The following CCDC88C variants were observed in gnomAD, a reference collection of about 807,000 sequenced individuals.
The protein encoded by CCDC88C is protein Daple.
In CCDC88C, 131 loss-of-function variants were observed where a neutral mutation model predicts 198.8. That is an observed-to-expected ratio of 0.66 (90% confidence interval 0.57 to 0.76). The LOEUF (loss-of-function observed/expected upper bound fraction) is 0.76. Ranked by LOEUF, CCDC88C falls within the 30% of genes least tolerant of loss-of-function variation. CCDC88C has a pLI of 0.00. For missense variants in CCDC88C, 2,553 were observed against 2,631.6 expected, an observed-to-expected ratio of 0.97 and a Z score of 0.65; for synonymous variants, 1,166 against 1,114.7, an observed-to-expected ratio of 1.05 and a Z score of -0.92.
At chr14:91,307,673 G>C (rs1891618011) in intron 17 of CCDC88C, among the ~76,000 whole-genome samples, 1 of 152,262 alleles carries the variant, frequency 6.6e-6, no homozygotes, top group South Asian at 2.1e-4. Flanking sequence ...GGCTGGAAGA[G>C]TGCGTGTGTG....
At chr14:91,333,216 A>G (rs894003998) in intron 10 of CCDC88C, among the ~76,000 whole-genome samples, 1 of 152,246 alleles carries the variant, frequency 6.6e-6, no homozygotes, top group African/African-American at 2.4e-5. Context: ...TTAATGGTAT[A>G]GATCTGCTAA....
chr14:91,285,398 G>A (rs766770124), intron 25 of CCDC88C: 3 of 456,096 alleles, frequency 6.6e-6, no homozygotes, highest in South Asian at 4.7e-5. Flanking sequence ...GACTTACTTA[G>A]TACGGACATC....
chr14:91,413,186 T>C (rs1886874232), intron 2 of CCDC88C, among the ~76,000 whole-genome samples: 1 of 152,180 alleles, frequency 6.6e-6, no homozygotes, highest in South Asian at 2.1e-4. Flanking sequence ...CAAGTAGAGA[T>C]GTACAGCACT....
In CCDC88C at chr14:91,416,720, G is replaced by T. The variant is rs1270391083; in HGVS notation, c.161+18C>A. ...TAACGCACCATTCTTTCCTTCCTCC[G>T]AGAAGAAGGTAACTTACATTTGCAG... On this transcript the variant is annotated intron_variant, in intron 2 of 29. Transcript: ENST00000389857. 6 of 1,516,012 alleles carry T rather than the reference G, an allele frequency of 4.0e-6. No homozygotes were observed. The highest frequency in any genetic ancestry group is 4.5e-5 in the East Asian group (2 of 44,474). 93.9% of individuals were successfully genotyped at this position (1,516,012 alleles called of 1,614,324 possible).
rs565883282 is a variant in CCDC88C at position 91,405,579 on chromosome 14, T to C, written c.270+3080A>G. ...AAGGCAGGATACGCAATTGTATATA[T>C]GGCAACAACCACAATGGCATAAAAC... On this transcript the variant is annotated intron_variant, in intron 3 of 29. Coordinates refer to ENST00000389857, the MANE Select transcript of CCDC88C (RefSeq NM_001080414.4). Among the ~76,000 whole-genome samples the C allele has an allele frequency of 3.2e-4, 49 of 152,258 alleles. 1 individual carries two copies. The highest frequency in any genetic ancestry group is 2.5e-3 in the Admixed American group (38 of 15,296).
intron 29 of CCDC88C, among the ~76,000 whole-genome samples, chr14:91,276,285 C>T (rs1889961772): frequency 6.6e-6 from 1 of 152,254 alleles, no homozygotes; most frequent in Non-Finnish European, 1.5e-5. Context: ...CAAACGCACG[C>T]CTGAGTTTGA....
intron 2 of CCDC88C, among the ~76,000 whole-genome samples, chr14:91,413,431 C>T (rs930380440): frequency 3.3e-5 from 5 of 152,202 alleles, no homozygotes; most frequent in Admixed American, 3.3e-4. Context: ...TTGAACTTGT[C>T]TGCCTGATGC....
In CCDC88C at chr14:91,294,152, G is replaced by T. The variant is rs184070919; in HGVS notation, c.4112+21C>A. The T allele has an allele frequency of 3.4e-5, 55 of 1,613,272 alleles. No homozygotes were observed. The Admixed American group carries it at 7.2e-4, about 21-fold the overall frequency. ...AGCTGTGGTGAGGGTGCGGAGAGGG[G>T]TTCAGGGACTCCCTGCTTACATGTA... On this transcript the variant is annotated intron_variant, in intron 23 of 29. Coordinates refer to ENST00000389857, the MANE Select transcript of CCDC88C (RefSeq NM_001080414.4).
chr14:91,345,589 G>C (rs905690826), intron 4 of CCDC88C, among the ~76,000 whole-genome samples: 1 of 152,060 alleles, frequency 6.6e-6, no homozygotes, highest in Non-Finnish European at 1.5e-5. Context: ...AAACTGCCCT[G>C]CAGACAGGCT....
chr14:91,373,423 T>C (rs1357696303), intron 3 of CCDC88C, among the ~76,000 whole-genome samples: 1 of 151,868 alleles, frequency 6.6e-6, no homozygotes, highest in Non-Finnish European at 1.5e-5. Context: ...GAAGGAAAAA[T>C]TCTACACACA....
intron 15 of CCDC88C, among the ~76,000 whole-genome samples, chr14:91,310,458 G>C (rs1207105434): frequency 6.6e-6 from 1 of 152,110 alleles, no homozygotes; most frequent in Non-Finnish European, 1.5e-5. Context: ...GGTTGCCTAG[G>C]CTGAAGTGCA....
intron 3 of CCDC88C, among the ~76,000 whole-genome samples, chr14:91,364,396 A>G (rs1375328081): frequency 6.6e-6 from 1 of 152,248 alleles, no homozygotes; most frequent in African/African-American, 2.4e-5. Context: ...CTCCTCGGCC[A>G]ATTAAATGCT....
chr14:91,382,892 A>G (rs754047971), intron 3 of CCDC88C, among the ~76,000 whole-genome samples: 9 of 152,152 alleles, frequency 5.9e-5, no homozygotes, highest in Non-Finnish European at 1.0e-4. Flanking sequence ...CCAGTGTCAC[A>G]GGCCCCGGAA....
chr14:91,356,623 G>GA (rs1191864862), intron 4 of CCDC88C, among the ~76,000 whole-genome samples: 5 of 151,638 alleles, frequency 3.3e-5, no homozygotes, highest in South Asian at 4.2e-4. Flanking sequence ...GTATATTTAT[G>GA]AAAAAAAATC....
chr14:91,278,244 A>G (rs1199105011), intron 28 of CCDC88C, 33 bp from the exon 29 acceptor site: 2 of 1,559,856 alleles, frequency 1.3e-6, no homozygotes, highest in Admixed American at 3.5e-5. Context: ...GAGGACCCTC[A>G]TCAGTCTTGG....
intron 3 of CCDC88C, among the ~76,000 whole-genome samples, chr14:91,372,528 C>CGGGGGGGGGGGGG (rs199749681): frequency 1.2e-4 from 3 of 24,536 alleles, no homozygotes; most frequent in African/African-American, 2.8e-4. Context: ...GGCAGTGGTG[C>CGGGGGGGGGGGGG]GGGGGGGGGC....
rs571630137 is a variant in CCDC88C at position 91,417,101 on chromosome 14, A to T, written c.61-263T>A. On this transcript the variant is annotated intron_variant, in intron 1 of 29. Transcript: ENST00000389857. Reference sequence around the variant, plus strand: ...GTTCCAGAGCGGAAGAAATAAAAATAAAAAGGACTTTTCAATAAATGTCTC... The same window carrying T: ...GTTCCAGAGCGGAAGAAATAAAAATTAAAAGGACTTTTCAATAAATGTCTC... 380 of 702,944 alleles carry T rather than the reference A, an allele frequency of 5.4e-4. 2 individuals carry two copies. The African/African-American group carries it at 6.0e-3, about 11-fold the overall frequency. 43.5% of individuals were successfully genotyped at this position (702,944 alleles called of 1,614,324 possible).
chr14:91,400,199 G>C (rs1296229653), intron 3 of CCDC88C, among the ~76,000 whole-genome samples: 2 of 152,196 alleles, frequency 1.3e-5, no homozygotes, highest in Non-Finnish European at 2.9e-5. Flanking sequence ...ACAAGAAAGA[G>C]AAACAGAAAG....
At chr14:91,360,043 A>T (rs1323870653) in intron 3 of CCDC88C, among the ~76,000 whole-genome samples, 1 of 152,228 alleles carries the variant, frequency 6.6e-6, no homozygotes, top group Non-Finnish European at 1.5e-5. Context: ...AAAAAAAGGC[A>T]ATAGATGACA....
Sources: gnomAD v4.1 joint callset for allele counts (sites outside exome capture counted in the v4.1 genomes callset) on GRCh38, gnomAD v4.1.1 for gene constraint, MANE v1.5 for transcripts, NCBI Gene and HGNC (gene_info 2026-07-23, HGNC 2026-07-21) for gene names.